Variants in TOB2 observed in about 807,000 individuals in gnomAD.
The protein encoded by TOB2 is protein Tob2.
TOB2 carries 3 observed loss-of-function variants against 17.3 expected under a neutral mutation model. That is an observed-to-expected ratio of 0.17 (90% CI 0.08 to 0.45). TOB2 has a LOEUF of 0.45. Among genes scored for constraint, TOB2 ranks in the 20% least tolerant of loss-of-function variants. The pLI, the probability that TOB2 is intolerant of heterozygous loss-of-function variation, is 0.99. For missense variants in TOB2, 407 were observed against 445.7 expected (o/e 0.91, Z 0.78); for synonymous variants, 163 against 185.6 (o/e 0.88, Z 0.99).
chr22:41,433,973 C>A lies in TOB2; in HGVS notation c.*2338G>T, dbSNP rs1459493163. ...TTCTCTCATCTTTTTAAGAAAAAAT[C>A]TTGAAAAGAAAAAAATTATGTTTTT... On this transcript the variant is annotated 3_prime_UTR_variant, in exon 2 of 2. Coordinates refer to ENST00000327492, the MANE Select transcript of TOB2 (RefSeq NM_016272.4). The A allele has an allele frequency of 1.3e-5, 3 of 229,758 alleles. No individual in the cohort carries two copies. Among genetic ancestry groups the A allele is most frequent in the African/African-American group, 2.3e-5 (1 of 43,968 alleles). 14.2% of individuals were successfully genotyped at this position (229,758 alleles called of 1,614,324 possible).
chr22:41,446,213 T>G, intron 1 of TOB2, among the ~76,000 whole-genome samples, 166 bp downstream of exon 1: 1 of 151,666 alleles, frequency 6.6e-6, no homozygotes, highest in African/African-American at 2.4e-5. Context: ...GAAAGTGGGG[T>G]CTGGAGGGAA....
intron 1 of TOB2, among the ~76,000 whole-genome samples, chr22:41,444,009 A>G (rs1406823877): frequency 3.9e-5 from 6 of 152,332 alleles, no homozygotes; most frequent in African/African-American, 1.4e-4. Flanking sequence ...CCCAAACCCA[A>G]AAAGATACTC....
At chr22:41,445,192 A>G (rs2037669258) in intron 1 of TOB2, among the ~76,000 whole-genome samples, 1 of 152,250 alleles carries the variant, frequency 6.6e-6, no homozygotes, top group Non-Finnish European at 1.5e-5. Flanking sequence ...GTTCCCAGGC[A>G]GAGAAGAAAA....
In TOB2 at chr22:41,436,697, G is replaced by A; in HGVS notation, c.649C>T (p.Pro217Ser). Residue 217 changes from proline (P) to serine (S), a missense_variant, in exon 2 of 2, where the codon CCT (proline) becomes TCT (serine). Transcript: ENST00000327492. The surrounding 1 kb of genome is among the most constrained non-coding windows in gnomAD (Gnocchi z 4.8). ...GAGGQQPPQQ[P>S]RMARSPTNSL... is the part of the protein sequence containing the mutation. ...TTGGTGGGTGAGCGGGCCATGCGAG[G>A]CTGCTGTGGTGGCTGCTGGCCACCC... 1 of 1,613,484 alleles carries A rather than the reference G, an allele frequency of 6.2e-7. No homozygotes were observed. The highest frequency in any genetic ancestry group is 8.5e-7 in the Non-Finnish European group (1 of 1,179,666).
At chr22:41,442,528 T>A (rs1333106682) in intron 1 of TOB2, among the ~76,000 whole-genome samples, 1 of 152,246 alleles carries the variant, frequency 6.6e-6, no homozygotes, top group African/African-American at 2.4e-5. Flanking sequence ...TCAGTGATGT[T>A]GCCGCACAAA....
rs2037541056 is a variant in TOB2 at position 41,435,974 on chromosome 22, A to G, written c.*337T>C. On this transcript the variant is annotated 3_prime_UTR_variant, in exon 2 of 2. Transcript: ENST00000327492. ...GAGGAAGGGAGGAGCAGGGAGCAGC[A>G]GTTCACATCTGGACCATTCTTAGCA... 1 of 184,954 alleles carries G rather than the reference A, an allele frequency of 5.4e-6. No homozygotes were observed. The highest frequency in any genetic ancestry group is 1.1e-5 in the Non-Finnish European group (1 of 88,750). The allele number at this position is 184,954 out of a possible 1,614,324, so 11.5% of individuals were successfully genotyped here.
intron 1 of TOB2, among the ~76,000 whole-genome samples, chr22:41,445,874 G>A (rs373028261): frequency 1.2e-4 from 18 of 152,252 alleles, no homozygotes; most frequent in East Asian, 1.2e-3. Flanking sequence ...CGTCGCCAAA[G>A]GGGGTGTCCA....
intron 1 of TOB2, among the ~76,000 whole-genome samples, chr22:41,445,384 TG>T (rs982033742): frequency 6.6e-6 from 1 of 152,138 alleles, no homozygotes; most frequent in Admixed American, 6.5e-5. Flanking sequence ...CACGGAGGGA[TG>T]GGGGTAGAAG....
Position 41,436,178 on chromosome 22 carries a change from G to A in TOB2, c.*133C>T. 3.2e-6 allele frequency: 4 copies of A among 1,258,702 alleles called. No individual in the cohort carries two copies. Among genetic ancestry groups the A allele is most frequent in the Non-Finnish European group, 4.2e-6 (4 of 950,752 alleles). 78.0% of individuals were successfully genotyped at this position (1,258,702 alleles called of 1,614,324 possible). ...GCCCTCCCATTCCGTGCCTGGGCTG[G>A]ATCTTTTTTCTAGAAGTAAGAGTGA... On this transcript the variant is annotated 3_prime_UTR_variant, in exon 2 of 2. Transcript: ENST00000327492. The surrounding 1 kb of genome is among the most constrained non-coding windows in gnomAD (Gnocchi z 4.8).
In TOB2 at chr22:41,437,371, C is replaced by T; in HGVS notation, c.-26G>A. 3 of 1,597,504 alleles carry T rather than the reference C, an allele frequency of 1.9e-6. No individual in the cohort carries two copies. The highest frequency in any genetic ancestry group is 2.6e-6 in the Non-Finnish European group (3 of 1,172,168). Reference sequence around the variant, plus strand: ...GGTCCTTTCCTAGGCAGAGAATCAGCACAGGGCACGTGTACAGCCTTGGGC... The same window carrying T: ...GGTCCTTTCCTAGGCAGAGAATCAGTACAGGGCACGTGTACAGCCTTGGGC... On this transcript the variant is annotated 5_prime_UTR_variant, in exon 2 of 2. Transcript: ENST00000327492.
rs909667069 is a variant in TOB2 at position 41,433,562 on chromosome 22, C to G, written c.*2749G>C. ...ACAATAGAAACTGTACAGATTTGAT[C>G]AATCTTTTTGTTTTGTTTTTAAACT... On this transcript the variant is annotated 3_prime_UTR_variant, in exon 2 of 2. Transcript: ENST00000327492. The G allele has an allele frequency of 2.5e-5, 5 of 201,170 alleles. No individual in the cohort carries two copies. Among genetic ancestry groups the G allele is most frequent in the African/African-American group, 1.2e-4 (5 of 43,234 alleles). 12.5% of individuals were successfully genotyped at this position (201,170 alleles called of 1,614,324 possible).
rs758525047 is a variant in TOB2 at position 41,436,472 on chromosome 22, C to T, written c.874G>A (p.Gly292Ser). 3.7e-6 allele frequency: 6 copies of T among 1,614,172 alleles called. No homozygotes were observed. The highest frequency in any genetic ancestry group is 1.6e-4 in the Middle Eastern group (1 of 6,062). The change falls in exon 2 of 2, where the codon GGC becomes AGC. Residue 292 changes from glycine to serine, a missense_variant. Coordinates refer to ENST00000327492, the MANE Select transcript of TOB2 (RefSeq NM_016272.4). The surrounding 1 kb of genome is among the most constrained non-coding windows in gnomAD (Gnocchi z 4.8). ...TCAAAGCTGCTGCTGTTGCAGGTGC[C>T]AGCCCCACTGCCTCCAAACGGGCCT... Reference protein sequence around the residue: ...TPGPFGGSGAGTCNSSSFDMA... With the variant: ...TPGPFGGSGASTCNSSSFDMA...
In TOB2 at chr22:41,436,665, C is replaced by T. The variant is rs373939296; in HGVS notation, c.681G>A (p.Leu227=). The part of the protein sequence containing the change: ...PRMARSPTNS[L]LKHKSLSLSM... ...ACAGAGAGAGGCTCTTGTGCTTCAG[C>T]AGGCTGTTGGTGGGTGAGCGGGCCA... Residue 227 remains leucine, a synonymous_variant, in exon 2 of 2, where the codon CTG becomes CTA. Coordinates refer to ENST00000327492, the MANE Select transcript of TOB2 (RefSeq NM_016272.4). This position sits in a 1 kb window ranked among gnomAD's most constrained non-coding sequence, Gnocchi z 4.8. The T allele has an allele frequency of 1.2e-6, 2 of 1,613,892 alleles. No homozygotes were observed. Among genetic ancestry groups the T allele is most frequent in the African/African-American group, 2.7e-5 (2 of 74,928 alleles).
chr22:41,436,194 G>GT lies in TOB2; in HGVS notation c.*116dup. 1 of 1,336,744 alleles carries GT rather than the reference G, an allele frequency of 7.5e-7. No homozygotes were observed. The highest frequency in any genetic ancestry group is 9.8e-7 in the Non-Finnish European group (1 of 1,016,756). The allele number at this position is 1,336,744 out of a possible 1,614,324, so 82.8% of individuals were successfully genotyped here. On this transcript the variant is annotated 3_prime_UTR_variant, in exon 2 of 2. Coordinates refer to ENST00000327492, the MANE Select transcript of TOB2 (RefSeq NM_016272.4). This position sits in a 1 kb window ranked among gnomAD's most constrained non-coding sequence, Gnocchi z 4.8. ...CCTGGGCTGGATCTTTTTTCTAGAA[G>GT]TAAGAGTGAGAAGATCGAAAATCTT...
intron 1 of TOB2, among the ~76,000 whole-genome samples, chr22:41,445,247 T>C (rs1268625571): frequency 1.3e-5 from 2 of 152,346 alleles, no homozygotes. Flanking sequence ...ACTAAAATTC[T>C]GTGTGTCTCC....
chr22:41,437,130 G>A lies in TOB2; in HGVS notation c.216C>T (p.Ala72=), dbSNP rs761275986. The A allele has an allele frequency of 6.2e-7, 1 of 1,614,152 alleles. No homozygotes were observed. The highest frequency in any genetic ancestry group is 1.7e-5 in the Admixed American group (1 of 60,000). Residue 72 remains alanine (A), a synonymous_variant, in exon 2 of 2, where the codon GCC becomes GCT. Transcript: ENST00000327492. ...EMVDPVVELA[A]KRSGLAVEDV... is the part of the protein sequence containing the mutation. ...CTTCCACCGCCAGGCCACTCCGCTTGGCGGCCAGCTCCACCACGGGGTCCA... is the reference window on the plus strand; with the variant it reads ...CTTCCACCGCCAGGCCACTCCGCTTAGCGGCCAGCTCCACCACGGGGTCCA...
At chr22:41,439,326 A>G (rs2037588163) in intron 1 of TOB2, among the ~76,000 whole-genome samples, 1 of 152,154 alleles carries the variant, frequency 6.6e-6, no homozygotes, top group Non-Finnish European at 1.5e-5. Flanking sequence ...CTGGATTTTG[A>G]TTCAAATCCT....
chr22:41,436,970 C>T lies in TOB2; in HGVS notation c.376G>A (p.Asp126Asn). 1.9e-6 allele frequency: 3 copies of T among 1,614,166 alleles called. No homozygotes were observed. Among genetic ancestry groups the T allele is most frequent in the Non-Finnish European group, 2.5e-6 (3 of 1,180,034 alleles). The change falls in exon 2 of 2, where the codon GAC (aspartate) becomes AAC (asparagine). Residue 126 changes from aspartate to asparagine, a missense_variant. Coordinates refer to ENST00000327492, the MANE Select transcript of TOB2 (RefSeq NM_016272.4). This position sits in a 1 kb window ranked among gnomAD's most constrained non-coding sequence, Gnocchi z 4.8. The stretch of plus-strand genomic sequence containing the variant: ...TTGAAGCTGCTCTTGATCTCCTTGT[C>T]CAGCTCTGGGGCACCGCAACCCTCA... ...DSEGCGAPEL[D>N]KEIKSSFNPD...
rs964114992 is a variant in TOB2 at position 41,435,741 on chromosome 22, G to A, written c.*570C>T. Reference sequence around the variant, plus strand: ...CAACTCCCTGTGGCCCAGCCTGAAAGGGAGTGGGGACTGGGGTCAGACCTA... The same window carrying A: ...CAACTCCCTGTGGCCCAGCCTGAAAAGGAGTGGGGACTGGGGTCAGACCTA... On this transcript the variant is annotated 3_prime_UTR_variant, in exon 2 of 2. Transcript: ENST00000327492. 1 of 152,760 alleles carries A rather than the reference G, an allele frequency of 6.5e-6. No homozygotes were observed. The highest frequency in any genetic ancestry group is 1.5e-5 in the Non-Finnish European group (1 of 68,118). The allele number at this position is 152,760 out of a possible 1,614,324, so 9.5% of individuals were successfully genotyped here.
Sources: gnomAD v4.1 joint callset for allele counts (sites outside exome capture counted in the v4.1 genomes callset) on GRCh38, gnomAD v4.1.1 for gene constraint, Gnocchi (gnomAD v3.1) non-coding constraint, MANE v1.5 for transcripts, NCBI Gene and HGNC (gene_info 2026-07-23, HGNC 2026-07-21) for gene names.